SRSF4: variants seen among roughly 807,000 people sequenced by gnomAD.
SRSF4 encodes the protein serine and arginine rich splicing factor 4.
SRSF4 carries 12 observed loss-of-function variants against 48.8 expected under a neutral mutation model. That is an observed-to-expected ratio of 0.25 (90% confidence interval 0.16 to 0.40). SRSF4 has a LOEUF of 0.40. Among genes scored for constraint, SRSF4 ranks in the 10% least tolerant of loss-of-function variants. The pLI is 1.00. For missense variants in SRSF4, 466 were observed against 667.1 expected (o/e 0.70, Z 3.32); for synonymous variants, 248 against 232.5 (o/e 1.07, Z -0.61).
At chr1:29,162,735 C>T (rs926411973) in intron 1 of SRSF4, among the ~76,000 whole-genome samples, 2 of 152,190 alleles carry the variant, frequency 1.3e-5, no homozygotes, top group South Asian at 2.1e-4. Flanking sequence ...ACTGATCTAA[C>T]GTGATCTTAG....
chr1:29,165,527 CAA>C (rs1336763660), intron 1 of SRSF4, among the ~76,000 whole-genome samples: 1 of 152,226 alleles, frequency 6.6e-6, no homozygotes, highest in African/African-American at 2.4e-5. Context: ...TCCCAAACAC[CAA>C]GTCTGCCCTT....
At chr1:29,154,640 T>C in intron 4 of SRSF4, 56 bp downstream of exon 4, 1 of 1,504,348 alleles carries the variant, frequency 6.6e-7, no homozygotes. Flanking sequence ...AAATTATCTA[T>C]GTGCTCACTA....
At chr1:29,149,589 G>C (rs187599959) in intron 5 of SRSF4, among the ~76,000 whole-genome samples, 2 of 151,722 alleles carry the variant, frequency 1.3e-5, no homozygotes, top group Admixed American at 1.3e-4. Context: ...GCTGAGGCAG[G>C]AGAATCGCTT....
rs370203261 is a variant in SRSF4 at position 29,147,922 on chromosome 1, G to A, written c.*488C>T. On this transcript the variant is annotated 3_prime_UTR_variant, in exon 6 of 6. Transcript: ENST00000373795. ...AGTTTATTTCCTATGGGTTACTGCA[G>A]GTATCAATTTTCCTCGACTGTGCTA... The A allele has an allele frequency of 2.0e-5, 7 of 354,762 alleles. No individual in the cohort carries two copies. In the East Asian group the frequency reaches 2.2e-4, roughly 11 times the overall value. 22.0% of individuals were successfully genotyped at this position (354,762 alleles called of 1,614,324 possible). A position where few individuals can be genotyped will look rare whatever the true frequency, so the allele number is the denominator to read the frequency against.
At position 29,156,796 on chromosome 1, in the gene SRSF4, A is replaced by G. The variant is rs1672507026; in HGVS notation, c.364-1886T>C. 2.0e-5 allele frequency among the ~76,000 whole-genome samples: 3 copies of G among 152,342 alleles called. No individual in the cohort carries two copies. In the South Asian group the frequency reaches 6.2e-4, roughly 32 times the overall value. On this transcript the variant is annotated intron_variant, in intron 3 of 5. Coordinates refer to ENST00000373795, the MANE Select transcript of SRSF4 (RefSeq NM_005626.5). ...AGTCTGGTGGCGACGAAGGAATGAG[A>G]AGAGAGAGGTTAAGAGTGCATAAAG...
chr1:29,166,510 T>A (rs1672671613), intron 1 of SRSF4, among the ~76,000 whole-genome samples: 1 of 152,182 alleles, frequency 6.6e-6, no homozygotes, highest in African/African-American at 2.4e-5. Flanking sequence ...AATGTCACAT[T>A]TACTGCTCAG....
Position 29,160,522 on chromosome 1 carries a change from A to T in SRSF4, c.108-5T>A. 6.3e-7 allele frequency: 1 copy of T among 1,596,972 alleles called. No individual in the cohort carries two copies. Among genetic ancestry groups the T allele is most frequent in the South Asian group, 1.1e-5 (1 of 88,542 alleles). On this transcript the variant is annotated splice_region_variant and splice_polypyrimidine_tract_variant and intron_variant, in intron 1 of 5. Transcript: ENST00000373795. ...TCAAACTCCACAAAACCATATCTAG[A>T]AGAGAGCAAAGAAAATACTGGTTGG...
chr1:29,148,582 T>C lies in SRSF4; in HGVS notation c.1313A>G (p.Gln438Arg), dbSNP rs1420248896. ...RGESENAGTN[Q>R]ETRSRSRSNS... Reference sequence around the variant, plus strand: ...GGATCTCGACCTGGACCGGGTCTCCTGATTGGTGCCAGCATTCTCACTCTC... The same window carrying C: ...GGATCTCGACCTGGACCGGGTCTCCCGATTGGTGCCAGCATTCTCACTCTC... The change falls in exon 6 of 6, where the codon CAG (glutamine) becomes CGG (arginine). Residue 438 changes from glutamine (Q) to arginine (R), a missense_variant. Gln to Arg is a conservative substitution (Grantham distance 43). Coordinates refer to ENST00000373795, the MANE Select transcript of SRSF4 (RefSeq NM_005626.5). The C allele has an allele frequency of 6.2e-7, 1 of 1,613,988 alleles. No individual in the cohort carries two copies. Among genetic ancestry groups the C allele is most frequent in the Non-Finnish European group, 8.5e-7 (1 of 1,179,992 alleles).
chr1:29,171,366 G>C (rs762106313), intron 1 of SRSF4: 2 of 149,486 alleles, frequency 1.3e-5, no homozygotes, highest in Non-Finnish European at 3.0e-5. Context: ...AGGACTAAAG[G>C]AAATAGCATG....
In SRSF4 at chr1:29,163,595, T is replaced by G. The variant is rs573803581; in HGVS notation, c.108-3078A>C. On this transcript the variant is annotated intron_variant, in intron 1 of 5. Transcript: ENST00000373795. Reference sequence around the variant, plus strand: ...TAGAGTGAATAAGATAGAAATAAATTAAGACAGAAGACTAGATAATAAAAA... The same window carrying G: ...TAGAGTGAATAAGATAGAAATAAATGAAGACAGAAGACTAGATAATAAAAA... Among the ~76,000 whole-genome samples, 4 of 152,292 alleles carry G rather than the reference T, an allele frequency of 2.6e-5. No homozygotes were observed. In the East Asian group the frequency reaches 7.7e-4, roughly 29 times the overall value.
chr1:29,162,757 C>T (rs1366756063), intron 1 of SRSF4, among the ~76,000 whole-genome samples: 2 of 152,118 alleles, frequency 1.3e-5, no homozygotes, highest in African/African-American at 2.4e-5. Context: ...AGGACATCAC[C>T]GAATCCTGAG....
chr1:29,167,273 A>C (rs1052864947), intron 1 of SRSF4, among the ~76,000 whole-genome samples: 1 of 152,236 alleles, frequency 6.6e-6, no homozygotes, highest in Non-Finnish European at 1.5e-5. Context: ...AATTATATCA[A>C]TCTTCTTCCA....
Position 29,181,635 on chromosome 1 carries a change from G to A in SRSF4, c.107+11C>T. The stretch of plus-strand genomic sequence containing the variant: ...TCCCCGCCCGGCCGGACCCTCTTTC[G>A]CCCTCCTCACCCGTTCTTCAGATCC... On this transcript the variant is annotated intron_variant, in intron 1 of 5. Transcript: ENST00000373795. 1.9e-6 allele frequency: 3 copies of A among 1,577,082 alleles called. No individual in the cohort carries two copies. Among genetic ancestry groups the A allele is most frequent in the Non-Finnish European group, 2.6e-6 (3 of 1,162,622 alleles).
chr1:29,167,354 T>C (rs4654391), intron 1 of SRSF4, among the ~76,000 whole-genome samples: 53,061 of 152,154 alleles, frequency 0.35, 10,510 homozygotes, highest in Non-Finnish European at 0.44. Flanking sequence ...GGACTTTCTT[T>C]AGCTTTAGCA....
Position 29,149,127 on chromosome 1 carries a change from G to GCGGCTC in SRSF4, c.762_767dup (p.Arg258_Ser259dup), listed in dbSNP as rs1195229071. On this transcript the variant is annotated inframe_insertion, in exon 6 of 6. Transcript: ENST00000373795. ...TCTTGCCAGCGCTATGGCTGCGGCTGCGGCTCTTTTCCTTGCTGGGGCTCC... is the reference window on the plus strand; with the variant it reads ...TCTTGCCAGCGCTATGGCTGCGGCTGCGGCTCCGGCTCTTTTCCTTGCTGGGGCTCC... 3 of 1,610,302 alleles carry GCGGCTC rather than the reference G, an allele frequency of 1.9e-6. No individual in the cohort carries two copies. The South Asian group carries it at 3.3e-5, about 18-fold the overall frequency.
At chr1:29,169,152 T>G (rs987613654) in intron 1 of SRSF4, 2 of 152,244 alleles carry the variant, frequency 1.3e-5, no homozygotes, top group Admixed American at 1.3e-4. Context: ...ATTATATCCA[T>G]TTAATTTTCA....
At chr1:29,161,755 T>C in intron 1 of SRSF4, among the ~76,000 whole-genome samples, 1 of 152,198 alleles carries the variant, frequency 6.6e-6, no homozygotes, top group Middle Eastern at 3.2e-3. Context: ...CACGCCCCCA[T>C]GCCTGGCTAC....
In SRSF4 at chr1:29,153,928, T is replaced by C. The variant is rs185937322; in HGVS notation, c.578+768A>G. ...TGATTTCCCTTTTTGAGATGGAGTC[T>C]CCCTGTCGCCCAGGCTGGAGTGGAA... is the stretch of plus-strand genomic sequence containing the variant. On this transcript the variant is annotated intron_variant, in intron 4 of 5. Transcript: ENST00000373795. Among the ~76,000 whole-genome samples, 28 of 151,774 alleles carry C rather than the reference T, an allele frequency of 1.8e-4. 1 individual carries two copies. The highest frequency in any genetic ancestry group is 1.6e-3 in the East Asian group (8 of 5,102).
chr1:29,175,462 G>A (rs904771426), intron 1 of SRSF4, among the ~76,000 whole-genome samples: 4 of 151,258 alleles, frequency 2.6e-5, no homozygotes, highest in African/African-American at 7.3e-5. Flanking sequence ...TTGGGAGGCC[G>A]AGGCGGGTGG....
Sources: gnomAD v4.1 joint callset for allele counts (sites outside exome capture counted in the v4.1 genomes callset) on GRCh38, gnomAD v4.1.1 for gene constraint, MANE v1.5 for transcripts, NCBI Gene and HGNC (gene_info 2026-07-23, HGNC 2026-07-21) for gene names.